Variants in SLC13A3 observed in about 807,000 individuals in gnomAD.
SLC13A3 encodes solute carrier family 13 member 3, also known as Na(+)/dicarboxylate cotransporter 3.
SLC13A3 carries 40 observed loss-of-function variants against 59.0 expected under a neutral mutation model. That is an observed-to-expected ratio of 0.68 (90% confidence interval 0.53 to 0.88). The LOEUF (loss-of-function observed/expected upper bound fraction) is 0.88. Among genes scored for constraint, SLC13A3 ranks in the 40% least tolerant of loss-of-function variants. The probability of loss-of-function intolerance (pLI) is 0.00; values close to 1 mark genes in which losing one functional copy is unlikely to be tolerated. For missense variants in SLC13A3, 699 were observed against 783.2 expected (o/e 0.89, Z 1.28); for synonymous variants, 317 against 330.3 (o/e 0.96, Z 0.44).
At chr20:46,676,798 T>G (rs150370413) in intron 1 of SLC13A3, among the ~76,000 whole-genome samples, 1 of 151,984 alleles carries the variant, frequency 6.6e-6, no homozygotes, top group South Asian at 2.1e-4. Context: ...GTGGAAACAG[T>G]GGGGACGACG....
intron 1 of SLC13A3, among the ~76,000 whole-genome samples, chr20:46,636,186 C>G (rs1338358703): frequency 6.6e-6 from 1 of 152,184 alleles, no homozygotes; most frequent in Non-Finnish European, 1.5e-5. Context: ...TGGACTCACC[C>G]CGAATCCTTA....
At chr20:46,616,681 T>G (rs188644944) in intron 1 of SLC13A3, among the ~76,000 whole-genome samples, 149 of 152,154 alleles carry the variant, frequency 9.8e-4, no homozygotes, top group African/African-American at 3.4e-3. Context: ...CAAACAAGGA[T>G]GTGGGGAAGC....
intron 1 of SLC13A3, among the ~76,000 whole-genome samples, chr20:46,683,119 T>C (rs2063161305): frequency 6.6e-6 from 1 of 152,130 alleles, no homozygotes; most frequent in Admixed American, 6.5e-5. Flanking sequence ...TCCTGACAGC[T>C]GCGGCTACCC....
chr20:46,566,279 C>G lies in SLC13A3; in HGVS notation c.1444G>C (p.Ala482Pro). Residue 482 changes from alanine to proline, a missense_variant, in exon 11 of 13, where the codon GCC (alanine) becomes CCC (proline). Coordinates refer to ENST00000279027, the MANE Select transcript of SLC13A3 (RefSeq NM_022829.6). The stretch of plus-strand genomic sequence containing the variant: ...ATGATGATGGTCGCCGTGTTGCTGG[C>G]AAACTCAGTGAAGAAGGCGATGACC... ...TVVIAFFTEF[A>P]SNTATIIIFL... is the part of the protein sequence containing the mutation. 6.2e-7 allele frequency: 1 copy of G among 1,613,670 alleles called. No homozygotes were observed. Among genetic ancestry groups the G allele is most frequent in the African/African-American group, 1.3e-5 (1 of 74,974 alleles).
At chr20:46,610,324 T>A (rs2062481307) in intron 3 of SLC13A3, 122 bp downstream of exon 3, 1 of 881,282 alleles carries the variant, frequency 1.1e-6, no homozygotes, top group Non-Finnish European at 1.8e-6. Flanking sequence ...CTAAAACACC[T>A]GACGCATAGT....
At chr20:46,629,751 T>A (rs1432699984) in intron 1 of SLC13A3, among the ~76,000 whole-genome samples, 1 of 152,234 alleles carries the variant, frequency 6.6e-6, no homozygotes, top group African/African-American at 2.4e-5. Context: ...CTTCTGCTTC[T>A]TAATCTCTCT....
chr20:46,659,722 CCAA>C (rs1273948976), intron 1 of SLC13A3, among the ~76,000 whole-genome samples: 3 of 145,968 alleles, frequency 2.1e-5, no homozygotes, highest in African/African-American at 7.6e-5. Flanking sequence ...TCCCCCCCCC[CCAA>C]AAAAAAAAAG....
intron 7 of SLC13A3, among the ~76,000 whole-genome samples, chr20:46,588,669 C>T (rs935657275): frequency 6.6e-6 from 1 of 151,910 alleles, no homozygotes; most frequent in Non-Finnish European, 1.5e-5. Flanking sequence ...AGAGAGGATC[C>T]CCAAGAGTTG....
chr20:46,594,836 C>T (rs1179105341), intron 5 of SLC13A3, among the ~76,000 whole-genome samples: 1 of 151,454 alleles, frequency 6.6e-6, no homozygotes, highest in Non-Finnish European at 1.5e-5. Flanking sequence ...AATGTATTGG[C>T]AATTCATCTC....
At chr20:46,673,022 GA>G (rs2063102059), upstream of SLC13A3, among the ~76,000 whole-genome samples, 1 of 152,130 alleles carries the variant, frequency 6.6e-6, no homozygotes, top group Admixed American at 6.6e-5. Context: ...AAGTTTGGGG[GA>G]TAGTTTGTCA....
chr20:46,656,349 T>A (rs1600622708), upstream of SLC13A3, among the ~76,000 whole-genome samples: 11 of 99,914 alleles, frequency 1.1e-4, no homozygotes, highest in South Asian at 3.9e-3. Flanking sequence ...GTATATATTA[T>A]ACTGTATATG....
At chr20:46,618,859 A>C (rs992114087) in intron 1 of SLC13A3, among the ~76,000 whole-genome samples, 4 of 152,206 alleles carry the variant, frequency 2.6e-5, no homozygotes, top group African/African-American at 7.2e-5. Context: ...CTCCGGTTTC[A>C]GAAGCACACT....
intron 1 of SLC13A3, among the ~76,000 whole-genome samples, chr20:46,638,467 C>A (rs1464875650): frequency 6.6e-6 from 1 of 152,214 alleles, no homozygotes; most frequent in African/African-American, 2.4e-5. Context: ...TTGTTATTTC[C>A]CTAGCAAGGG....
chr20:46,651,439 G>A lies in SLC13A3; in HGVS notation c.-18C>T, dbSNP rs764108203. The A allele has an allele frequency of 2.0e-6, 3 of 1,466,194 alleles. No individual in the cohort carries two copies. Among genetic ancestry groups the A allele is most frequent in the Admixed American group, 2.4e-5 (1 of 42,304 alleles). The allele number at this position is 1,466,194 out of a possible 1,614,324, so 90.8% of individuals were successfully genotyped here. A position where few individuals can be genotyped will look rare whatever the true frequency, so the allele number is the denominator to read the frequency against. On this transcript the variant is annotated 5_prime_UTR_variant, in exon 1 of 13. Coordinates refer to ENST00000279027, the MANE Select transcript of SLC13A3 (RefSeq NM_022829.6). ...GCCGCCATCAGCGCGATCGCCTGGCGGTACGGGCCGGCCCGGGACTGCCCC... is the reference window on the plus strand; with the variant it reads ...GCCGCCATCAGCGCGATCGCCTGGCAGTACGGGCCGGCCCGGGACTGCCCC...
intron 3 of SLC13A3, among the ~76,000 whole-genome samples, chr20:46,605,242 C>A (rs569864756): frequency 6.6e-6 from 1 of 152,204 alleles, no homozygotes; most frequent in East Asian, 1.9e-4. Context: ...TAATATCAGG[C>A]ATTATTTTCT....
chr20:46,655,893 T>TATATATACTGTACAGTGTGTATA (rs1568960020), upstream of SLC13A3, among the ~76,000 whole-genome samples: 16 of 139,088 alleles, frequency 1.2e-4, no homozygotes, highest in African/African-American at 4.0e-4. Flanking sequence ...CTGTATATAA[T>TATATATACTGTACAGTGTGTATA]ATATATACTG....
chr20:46,669,519 T>C lies in SLC13A3; in HGVS notation c.-31+524A>G, dbSNP rs536187857. Among the ~76,000 whole-genome samples, 12 of 152,324 alleles carry C rather than the reference T, an allele frequency of 7.9e-5. No homozygotes were observed. In the South Asian group the frequency reaches 1.0e-3, roughly 13 times the overall value. On this transcript the variant is annotated intron_variant, in intron 1 of 12. Coordinates refer to the SLC13A3 transcript ENST00000290317. ...CTTCTGACTCCAAAGTCTGTGTTGC[T>C]AACCCTCAACTAGACTGTTCCCAAG...
At chr20:46,631,545 A>G (rs995543212) in intron 1 of SLC13A3, among the ~76,000 whole-genome samples, 1 of 152,134 alleles carries the variant, frequency 6.6e-6, no homozygotes, top group African/African-American at 2.4e-5. Flanking sequence ...CGTGACCCTG[A>G]GTGAGCTCCT....
intron 1 of SLC13A3, among the ~76,000 whole-genome samples, chr20:46,634,929 T>C (rs1226725960): frequency 6.6e-6 from 1 of 152,044 alleles, no homozygotes; most frequent in East Asian, 1.9e-4. Flanking sequence ...ATGTCCCTTT[T>C]CCCCTGTCAT....
Sources: allele counts gnomAD v4.1 joint callset (sites outside exome capture counted in the v4.1 genomes callset), GRCh38; gene constraint gnomAD v4.1.1; transcripts MANE v1.5; gene names NCBI Gene and HGNC (gene_info 2026-07-23, HGNC 2026-07-21).